Variants in ST6GALNAC6 observed in about 807,000 individuals in gnomAD.
ST6GALNAC6 encodes alpha-N-acetylgalactosaminide alpha-2,6-sialyltransferase 6.
ST6GALNAC6 carries 19 observed loss-of-function variants against 34.3 expected under a neutral mutation model. The observed-to-expected ratio is 0.55, with a 90% CI of 0.39 to 0.81. The LOEUF is 0.81. Among genes scored for constraint, ST6GALNAC6 ranks in the 40% least tolerant of loss-of-function variants. ST6GALNAC6 has a pLI of 0.00. For synonymous variants in ST6GALNAC6, 185 were observed against 182.1 expected, an observed-to-expected ratio of 1.02 and a Z score of -0.13; for missense variants, 377 against 467.7, an observed-to-expected ratio of 0.81 and a Z score of 1.79.
intron 5 of ST6GALNAC6, among the ~76,000 whole-genome samples, chr9:127,888,699 G>A (rs748136446): frequency 1.3e-5 from 2 of 152,022 alleles, no homozygotes; most frequent in Non-Finnish European, 2.9e-5. Flanking sequence ...CCAGCTGCTC[G>A]GGAGGCTGAG....
chr9:127,899,472 C>T (rs1830666092), intron 1 of ST6GALNAC6, 31 bp downstream of exon 1: 3 of 958,460 alleles, frequency 3.1e-6, no homozygotes, highest in Non-Finnish European at 3.7e-6. Context: ...CCCCCGCCCC[C>T]GCGGCCTGCT....
Position 127,894,544 on chromosome 9 carries a change from T to C in ST6GALNAC6, c.265A>G (p.Thr89Ala). The C allele has an allele frequency of 6.2e-7, 1 of 1,614,070 alleles. No homozygotes were observed. The highest frequency in any genetic ancestry group is 8.5e-7 in the Non-Finnish European group (1 of 1,180,004). Residue 89 changes from threonine to alanine, a missense_variant, in exon 4 of 7, where the codon ACT becomes GCT. Transcript: ENST00000373146. ...RPVNLKKWSI[T>A]DGYVPILGNK... ...CCGAGAATGGGGACATAGCCGTCAG[T>C]GATGCTCCACTTCTTGAGGTTGACA...
At chr9:127,886,822 G>A (rs1425701459) in intron 6 of ST6GALNAC6, 34 bp from the exon 7 acceptor site, 4 of 1,563,092 alleles carry the variant, frequency 2.6e-6, no homozygotes, top group Admixed American at 1.9e-5. Flanking sequence ...ATCAGGGCAA[G>A]GTGAGCGCTG....
Position 127,891,005 on chromosome 9 carries a change from G to T in ST6GALNAC6, c.336C>A (p.Ser112Arg), listed in dbSNP as rs777499764. The change falls in exon 5 of 7, where the codon AGC (serine) becomes AGA (arginine). Residue 112 changes from serine (S) to arginine (R), a missense_variant. Transcript: ENST00000373146. ...PSRCHQCVIV[S>R]SSSHLLGTKL... ...TGGTGCCCAGCAGGTGGCTGGAGCT[G>T]CTGACAATCACACACTGGTGGCACC... The T allele has an allele frequency of 6.2e-7, 1 of 1,614,126 alleles. No individual in the cohort carries two copies. Among genetic ancestry groups the T allele is most frequent in the Non-Finnish European group, 8.5e-7 (1 of 1,180,042 alleles).
intron 3 of ST6GALNAC6, 70 bp from the exon 4 acceptor site, chr9:127,894,761 T>A: frequency 6.4e-7 from 1 of 1,554,304 alleles, no homozygotes; most frequent in Non-Finnish European, 8.8e-7. Context: ...CCTTGCCACC[T>A]ACCATGCCTG....
chr9:127,893,640 C>A (rs1830277825), intron 4 of ST6GALNAC6, among the ~76,000 whole-genome samples: 1 of 152,224 alleles, frequency 6.6e-6, no homozygotes, highest in Non-Finnish European at 1.5e-5. Context: ...GGAAGCACTG[C>A]AAGCCAGGCT....
chr9:127,902,988 T>A (rs1830810777), upstream of ST6GALNAC6: 1 of 121,726 alleles, frequency 8.2e-6, no homozygotes, highest in Non-Finnish European at 1.7e-5. Flanking sequence ...ATTTTTTGCT[T>A]GCTTTTTTTT....
chr9:127,898,676 G>A (rs1031367139), intron 1 of ST6GALNAC6, among the ~76,000 whole-genome samples: 2 of 152,392 alleles, frequency 1.3e-5, no homozygotes, highest in Admixed American at 1.3e-4. Flanking sequence ...AGGAGACTGA[G>A]GTTCAGAGAG....
upstream of ST6GALNAC6, chr9:127,899,725 A>G (rs1323532247): frequency 5.3e-6 from 5 of 940,460 alleles, no homozygotes; most frequent in Non-Finnish European, 6.3e-6. Flanking sequence ...CGGGGAAGGG[A>G]AAGGGGAGGC....
chr9:127,898,265 C>T (rs1345584971), intron 1 of ST6GALNAC6, among the ~76,000 whole-genome samples: 1 of 152,058 alleles, frequency 6.6e-6, no homozygotes, highest in African/African-American at 2.4e-5. Flanking sequence ...TGGTGGCGTG[C>T]GCCTGTTGTC....
chr9:127,901,617 A>AAAAATAAAATAAAAT (rs372056937), upstream of ST6GALNAC6, among the ~76,000 whole-genome samples: 11 of 149,820 alleles, frequency 7.3e-5, no homozygotes, highest in African/African-American at 2.7e-4. Context: ...TCCGTCTCAA[A>AAAAATAAAATAAAAT]AAAATAAAAT....
chr9:127,886,299 A>C lies in ST6GALNAC6; in HGVS notation c.*300T>G. 1 of 658,396 alleles carries C rather than the reference A, an allele frequency of 1.5e-6. No homozygotes were observed. Among genetic ancestry groups the C allele is most frequent in the East Asian group, 3.2e-5 (1 of 30,880 alleles). The allele number at this position is 658,396 out of a possible 1,614,324, so 40.8% of individuals were successfully genotyped here. A position where few individuals can be genotyped will look rare whatever the true frequency, so the allele number is the denominator to read the frequency against. ...GGCTCTGAACCAAGGCCTCATGGGA[A>C]AGGACATGTCCTTAGCCTCAGATTG... On this transcript the variant is annotated 3_prime_UTR_variant, in exon 7 of 7. Coordinates refer to ENST00000373146, the MANE Select transcript of ST6GALNAC6 (RefSeq NM_013443.5).
intron 2 of ST6GALNAC6, chr9:127,897,704 G>C (rs1047032704): frequency 6.9e-5 from 57 of 826,718 alleles, no homozygotes; most frequent in African/African-American, 1.7e-5. Flanking sequence ...AGAATCCTGG[G>C]GTGGCCCCAT....
upstream of ST6GALNAC6, chr9:127,906,113 C>G: frequency 1.2e-6 from 1 of 807,670 alleles, no homozygotes; most frequent in Non-Finnish European, 1.5e-6. Flanking sequence ...GAACCAAGTG[C>G]CAGGTCTCAG....
At position 127,886,208 on chromosome 9, in the gene ST6GALNAC6, C is replaced by A; in HGVS notation, c.*391G>T. 3.0e-6 allele frequency: 1 copy of A among 334,142 alleles called. No homozygotes were observed. The allele number at this position is 334,142 out of a possible 1,614,324, so 20.7% of individuals were successfully genotyped here. A position where few individuals can be genotyped will look rare whatever the true frequency, so the allele number is the denominator to read the frequency against. On this transcript the variant is annotated 3_prime_UTR_variant, in exon 7 of 7. Coordinates refer to ENST00000373146, the MANE Select transcript of ST6GALNAC6 (RefSeq NM_013443.5). ...AATTGAGGGGGCAACACCAAGTTCC[C>A]AGCTCCTTGGGACAGGACCCCATTA...
At position 127,897,853 on chromosome 9, in the gene ST6GALNAC6, G is replaced by C. The variant is rs1298514833; in HGVS notation, c.26+103C>G. On this transcript the variant is annotated intron_variant, in intron 2 of 6. Transcript: ENST00000373146. The stretch of plus-strand genomic sequence containing the variant: ...TTGCCCGAGCTGTGCCCTCAGCCAG[G>C]ACCACCGTCCCCCTGGTCCGCCCCG... 5.0e-6 allele frequency: 8 copies of C among 1,591,950 alleles called. No homozygotes were observed. In the East Asian group the frequency reaches 1.1e-4, roughly 23 times the overall value.
At chr9:127,899,458 T>TCCGCCC (rs1830665188) in intron 1 of ST6GALNAC6, 45 bp downstream of exon 1, 10 of 559,866 alleles carry the variant, frequency 1.8e-5, no homozygotes, top group Admixed American at 6.5e-5. Flanking sequence ...AGCCCCCGCC[T>TCCGCCC]CCGCCCCCGC....
In ST6GALNAC6 at chr9:127,890,773, G is replaced by T; in HGVS notation, c.568C>A (p.Gln190Lys). 6.2e-7 allele frequency: 1 copy of T among 1,612,400 alleles called. No homozygotes were observed. Among genetic ancestry groups the T allele is most frequent in the Non-Finnish European group, 8.5e-7 (1 of 1,178,596 alleles). Reference protein sequence around the residue: ...FIFWGPPSKMQKPQGSLVRVI... With the variant: ...FIFWGPPSKMKKPQGSLVRVI... ...CGCACGAGGCTGCCCTGGGGCTTCTGCATCTTGCTCGGGGGCCCCCAGAAG... is the reference window on the plus strand; with the variant it reads ...CGCACGAGGCTGCCCTGGGGCTTCTTCATCTTGCTCGGGGGCCCCCAGAAG... Residue 190 changes from glutamine to lysine, a missense_variant, in exon 5 of 7, where the codon CAG (glutamine) becomes AAG (lysine). Coordinates refer to ENST00000373146, the MANE Select transcript of ST6GALNAC6 (RefSeq NM_013443.5). The surrounding 1 kb of genome is among the most constrained non-coding windows in gnomAD (Gnocchi z 4.3).
chr9:127,897,312 A>G (rs1830525066), intron 2 of ST6GALNAC6: 3 of 985,806 alleles, frequency 3.0e-6, no homozygotes, highest in Non-Finnish European at 3.6e-6. Flanking sequence ...GGCCCTCCTC[A>G]GCTCCGTCCC....
Sources: gnomAD v4.1 joint callset for allele counts (sites outside exome capture counted in the v4.1 genomes callset) on GRCh38, gnomAD v4.1.1 for gene constraint, Gnocchi (gnomAD v3.1) non-coding constraint, MANE v1.5 for transcripts, NCBI Gene and HGNC (gene_info 2026-07-23, HGNC 2026-07-21) for gene names.